SLC24A2: variants seen among roughly 807,000 people sequenced by gnomAD.
The protein encoded by SLC24A2 is solute carrier family 24 member 2.
SLC24A2 carries 36 observed loss-of-function variants against 62.0 expected under a neutral mutation model. The observed-to-expected ratio is 0.58, with a 90% confidence interval of 0.44 to 0.77. The LOEUF is 0.77. SLC24A2 is among the 30% of genes least tolerant of loss of function. The pLI is 0.00. For missense variants in SLC24A2, 846 were observed against 817.9 expected (o/e 1.03, Z -0.42); for synonymous variants, 358 against 294.0 (o/e 1.22, Z -2.23).
chr9:19,701,590 G>C (rs1820357835), intron 2 of SLC24A2, among the ~76,000 whole-genome samples: 1 of 152,198 alleles, frequency 6.6e-6, no homozygotes, highest in Admixed American at 6.5e-5. Flanking sequence ...GTTTGAAATA[G>C]ACCTTACTGG....
At chr9:19,829,763 ATATGTG>A in the SLC24A2 span, among the ~76,000 whole-genome samples, 4,436 of 75,906 alleles carry the variant, frequency 0.058, 107 homozygotes, top group Non-Finnish European at 0.087. Flanking sequence ...TTTTATATAT[ATATGTG>A]TGTGTGTGTG....
At chr9:19,620,552 G>T (rs143971751) in intron 3 of SLC24A2, among the ~76,000 whole-genome samples, 1 of 152,210 alleles carries the variant, frequency 6.6e-6, no homozygotes, top group Non-Finnish European at 1.5e-5. Flanking sequence ...GGAAGAATGA[G>T]TATCTAGAGA....
intron 2 of SLC24A2, among the ~76,000 whole-genome samples, chr9:19,722,996 C>T (rs1170951956): frequency 6.6e-6 from 1 of 152,054 alleles, no homozygotes; most frequent in Non-Finnish European, 1.5e-5. Context: ...TTCTGCACTG[C>T]AATAAGATTG....
At chr9:19,948,983 T>C in the SLC24A2 span, among the ~76,000 whole-genome samples, 84 of 152,214 alleles carry the variant, frequency 5.5e-4, 1 homozygote, top group East Asian at 0.015. Flanking sequence ...ACCTTCCATT[T>C]ATTTATTTAT....
the SLC24A2 span, among the ~76,000 whole-genome samples, chr9:19,899,278 C>T: frequency 6.6e-6 from 1 of 151,678 alleles, no homozygotes; most frequent in Non-Finnish European, 1.5e-5. Flanking sequence ...CAAAGACTGA[C>T]TCTCTGCAGG....
At chr9:19,917,684 A>G in the SLC24A2 span, among the ~76,000 whole-genome samples, 5 of 152,092 alleles carry the variant, frequency 3.3e-5, no homozygotes, top group Non-Finnish European at 7.4e-5. Context: ...GTATTCTAAC[A>G]AATACTTAAC....
the SLC24A2 span, among the ~76,000 whole-genome samples, chr9:20,024,516 A>T: frequency 3.3e-5 from 5 of 152,346 alleles, no homozygotes; most frequent in South Asian, 8.3e-4. Context: ...TTCTACATTA[A>T]TTGGTTCGCA....
chr9:19,520,089 A>G (rs1226279276), intron 10 of SLC24A2, among the ~76,000 whole-genome samples: 2 of 152,204 alleles, frequency 1.3e-5, no homozygotes, highest in African/African-American at 4.8e-5. Flanking sequence ...ATGGTCATGG[A>G]AAGGTGGAAG....
At chr9:19,898,442 T>A in the SLC24A2 span, among the ~76,000 whole-genome samples, 1 of 152,258 alleles carries the variant, frequency 6.6e-6, no homozygotes, top group East Asian at 1.9e-4. Flanking sequence ...TGTGTGAGAA[T>A]CCAATGAGAT....
At chr9:20,105,936 T>A in the SLC24A2 span, among the ~76,000 whole-genome samples, 3 of 151,852 alleles carry the variant, frequency 2.0e-5, no homozygotes, top group African/African-American at 7.3e-5. Flanking sequence ...ATCAACAAAA[T>A]TGATAAACCG....
chr9:20,033,747 CCTTA>C, the SLC24A2 span, among the ~76,000 whole-genome samples: 1 of 152,118 alleles, frequency 6.6e-6, no homozygotes, highest in Non-Finnish European at 1.5e-5. Context: ...GGGGAGGAAC[CCTTA>C]CTTGTGAGAA....
the SLC24A2 span, among the ~76,000 whole-genome samples, chr9:20,072,933 G>C: frequency 6.6e-6 from 1 of 152,088 alleles, no homozygotes; most frequent in Non-Finnish European, 1.5e-5. Context: ...TTTGTTTTAA[G>C]CCACTAAGTT....
intron 2 of SLC24A2, among the ~76,000 whole-genome samples, chr9:19,706,044 C>T (rs1410966104): frequency 6.6e-6 from 1 of 151,906 alleles, no homozygotes; most frequent in Non-Finnish European, 1.5e-5. Flanking sequence ...GTTAAAGTCT[C>T]CCATTATTAT....
At chr9:20,193,983 T>C in the SLC24A2 span, among the ~76,000 whole-genome samples, 4 of 152,226 alleles carry the variant, frequency 2.6e-5, no homozygotes, top group South Asian at 2.1e-4. Context: ...AGCACAGGAA[T>C]AGAATCAATG....
At chr9:19,955,735 C>A in the SLC24A2 span, among the ~76,000 whole-genome samples, 1 of 151,948 alleles carries the variant, frequency 6.6e-6, no homozygotes, top group African/African-American at 2.4e-5. Flanking sequence ...TTCCTCCATC[C>A]TCTCCCAAAA....
intron 2 of SLC24A2, among the ~76,000 whole-genome samples, chr9:19,661,023 C>G (rs1233951364): frequency 6.6e-6 from 1 of 152,142 alleles, no homozygotes; most frequent in African/African-American, 2.4e-5. Flanking sequence ...CAGAGCCTGC[C>G]AGCTAGTGTT....
At chr9:19,789,392 C>T (rs1465652707), upstream of SLC24A2, among the ~76,000 whole-genome samples, 1 of 152,220 alleles carries the variant, frequency 6.6e-6, no homozygotes, top group Non-Finnish European at 1.5e-5. Flanking sequence ...TCGCGCTTTT[C>T]TTTAGGAGGC....
chr9:20,208,352 C>T, the SLC24A2 span, among the ~76,000 whole-genome samples: 1 of 152,244 alleles, frequency 6.6e-6, no homozygotes, highest in East Asian at 1.9e-4. Context: ...CATAGCACGG[C>T]GAAGGCTGAA....
the SLC24A2 span, among the ~76,000 whole-genome samples, chr9:19,925,230 A>T: frequency 5.3e-5 from 8 of 152,340 alleles, no homozygotes; most frequent in South Asian, 1.5e-3. Flanking sequence ...TCAAAGATAT[A>T]TAGATTTATA....
Sources: gnomAD v4.1 joint callset for allele counts (sites outside exome capture counted in the v4.1 genomes callset) on GRCh38, gnomAD v4.1.1 for gene constraint, MANE v1.5 for transcripts, NCBI Gene and HGNC (gene_info 2026-07-23, HGNC 2026-07-21) for gene names.